Variants in SLAMF1 observed in about 807,000 individuals in gnomAD.
The protein encoded by SLAMF1 is signaling lymphocytic activation molecule family member 1.
SLAMF1 carries 18 observed loss-of-function variants against 35.1 expected under a neutral mutation model. The observed-to-expected ratio is 0.51, with a 90% CI of 0.35 to 0.76. The LOEUF is 0.76. Ranked by LOEUF, SLAMF1 falls within the 30% of genes least tolerant of loss-of-function variation. The pLI is 0.01. For synonymous variants in SLAMF1, 168 were observed against 157.2 expected (o/e 1.07, Z -0.51); for missense variants, 392 against 413.0 (o/e 0.95, Z 0.44).
chr1:160,644,338 T>G (rs1660918634), intron 1 of SLAMF1, among the ~76,000 whole-genome samples: 1 of 152,234 alleles, frequency 6.6e-6, no homozygotes, highest in Admixed American at 6.5e-5. Flanking sequence ...GCAGAGAAAT[T>G]GCTAAACTAC....
chr1:160,623,710 C>A (rs1320951285), intron 4 of SLAMF1: 1 of 401,242 alleles, frequency 2.5e-6, no homozygotes, highest in South Asian at 1.3e-4. Context: ...TTCATTCTAA[C>A]CCTGGTGACT....
chr1:160,633,169 T>G (rs1278394992), intron 3 of SLAMF1, among the ~76,000 whole-genome samples: 1 of 152,196 alleles, frequency 6.6e-6, no homozygotes, highest in Non-Finnish European at 1.5e-5. Context: ...GCTGCACAGC[T>G]TGCTTGTCCT....
intron 3 of SLAMF1, among the ~76,000 whole-genome samples, chr1:160,631,198 A>G (rs1570994052): frequency 6.6e-6 from 1 of 152,244 alleles, no homozygotes; most frequent in Non-Finnish European, 1.5e-5. Context: ...ACACAAATCA[A>G]GGTACTGATA....
rs1479375593 is a variant in SLAMF1, at chr1:160,624,239, A to G, written c.701-54T>C. 3 of 1,229,540 alleles carry G rather than the reference A, an allele frequency of 2.4e-6. No homozygotes were observed. The East Asian group carries it at 7.0e-5, about 29-fold the overall frequency. 76.2% of individuals were successfully genotyped at this position (1,229,540 alleles called of 1,614,324 possible). On this transcript the variant is annotated intron_variant, in intron 3 of 6. Transcript: ENST00000302035. ...TCTCAAAAGTATTCTGAGCTTAAAA[A>G]CATCTTACATGAAAGTGGGATAATG... is the stretch of plus-strand genomic sequence containing the variant.
rs777437556 is a variant in SLAMF1 at position 160,642,557 on chromosome 1, C to G, written c.76+4313G>C. Reference sequence around the variant, plus strand: ...TTCACTACAGTATCCCTAACACCCACCTGGGACATAGTAGGAGCTCAGTAA... The same window carrying G: ...TTCACTACAGTATCCCTAACACCCAGCTGGGACATAGTAGGAGCTCAGTAA... On this transcript the variant is annotated intron_variant, in intron 1 of 6. Transcript: ENST00000302035. The surrounding 1 kb of genome is among the most constrained non-coding windows in gnomAD (Gnocchi z 4.2). 6.6e-6 allele frequency among the ~76,000 whole-genome samples: 1 copy of G among 152,176 alleles called. No homozygotes were observed. Among genetic ancestry groups the G allele is most frequent in the Non-Finnish European group, 1.5e-5 (1 of 68,014 alleles).
At chr1:160,623,428 G>A (rs1659721069) in intron 4 of SLAMF1, 2 of 397,616 alleles carry the variant, frequency 5.0e-6, no homozygotes, top group Admixed American at 4.4e-5. Flanking sequence ...AAGGTTGTGT[G>A]TAGATGACAC....
At chr1:160,629,079 T>G (rs1395733496) in intron 3 of SLAMF1, among the ~76,000 whole-genome samples, 1 of 152,054 alleles carries the variant, frequency 6.6e-6, no homozygotes, top group African/African-American at 2.4e-5. Flanking sequence ...GGTTTGGAAC[T>G]CCCCCTACTC....
rs1052112349 is a variant in SLAMF1, at chr1:160,609,299, C to T, written c.*1449G>A. 6.6e-6 allele frequency: 1 copy of T among 152,154 alleles called. No homozygotes were observed. The highest frequency in any genetic ancestry group is 2.4e-5 in the African/African-American group (1 of 41,430). The allele number at this position is 152,154 out of a possible 1,614,324, so 9.4% of individuals were successfully genotyped here. ...CAGAAACTTCTAGCAGTTATTGGAA[C>T]CAATCAGTATCTTTTCAATAGGTTC... is the stretch of plus-strand genomic sequence containing the variant. On this transcript the variant is annotated 3_prime_UTR_variant, in exon 7 of 7. Transcript: ENST00000302035.
chr1:160,640,359 T>TATATATAC lies in SLAMF1; in HGVS notation c.77-2831_77-2830insGTATATAT, dbSNP rs1361053277. 3.0e-3 allele frequency among the ~76,000 whole-genome samples: 368 copies of TATATATAC among 122,346 alleles called. 2 individuals carry two copies. The highest frequency in any genetic ancestry group is 5.7e-3 in the East Asian group (22 of 3,878). 80.3% of individuals were successfully genotyped at this position (122,346 alleles called of 152,430 possible). On this transcript the variant is annotated intron_variant, in intron 1 of 6. Coordinates refer to ENST00000302035, the MANE Select transcript of SLAMF1 (RefSeq NM_003037.5). ...ATATATATATATATATATATATATA[T>TATATATAC]ACACACACACACACACATATATATA...
In SLAMF1 at chr1:160,634,898, C is replaced by T. The variant is rs1308785735; in HGVS notation, c.416-1G>A. The T allele has an allele frequency of 3.1e-6, 5 of 1,606,496 alleles. No individual in the cohort carries two copies. The highest frequency in any genetic ancestry group is 4.3e-6 in the Non-Finnish European group (5 of 1,174,450). On this transcript the variant is annotated splice_acceptor_variant, in intron 2 of 6. Transcript: ENST00000302035. LOFTEE classifies it high-confidence loss of function. ...TTAATTTCTGGAGTGGAGACCTGCT[C>T]TGTCAGGAGTGGGAGGAAGGGAGCC...
rs568522058 is a variant in SLAMF1, at chr1:160,634,965, T to C, written c.416-68A>G. The C allele has an allele frequency of 1.3e-5, 18 of 1,420,140 alleles. No individual in the cohort carries two copies. In the South Asian group the frequency reaches 1.9e-4, roughly 15 times the overall value. The allele number at this position is 1,420,140 out of a possible 1,614,324, so 88.0% of individuals were successfully genotyped here. On this transcript the variant is annotated intron_variant, in intron 2 of 6. Transcript: ENST00000302035. ...CCTGGGAATTCTCACTTGACCTTTT[T>C]GTTAGAACAAAGTACAGCCTAATGG...
At chr1:160,618,187 A>G (rs1659412175) in intron 5 of SLAMF1, among the ~76,000 whole-genome samples, 1 of 152,126 alleles carries the variant, frequency 6.6e-6, no homozygotes, top group Non-Finnish European at 1.5e-5. Context: ...GTGGTACTTG[A>G]TAAGTTGATT....
At position 160,621,337 on chromosome 1, in the gene SLAMF1, G is replaced by A. The variant is rs139221596; in HGVS notation, c.791-1488C>T. On this transcript the variant is annotated intron_variant, in intron 4 of 6. Transcript: ENST00000302035. ...GCACTATGGGAGGCTGAGGTGGGCA[G>A]ATCACGAGGTCAGGAGTTTGAGACC... is the stretch of plus-strand genomic sequence containing the variant. Among the ~76,000 whole-genome samples the A allele has an allele frequency of 3.1e-3, 473 of 152,226 alleles. 2 individuals carry two copies. Among genetic ancestry groups the A allele is most frequent in the African/African-American group, 0.011 (462 of 41,526 alleles).
At chr1:160,625,364 A>G (rs371846133) in intron 3 of SLAMF1, among the ~76,000 whole-genome samples, 4 of 152,312 alleles carry the variant, frequency 2.6e-5, no homozygotes, top group African/African-American at 9.6e-5. Flanking sequence ...GCAGAAATTG[A>G]AAGAAAAATA....
chr1:160,640,591 C>A (rs540533844), intron 1 of SLAMF1, among the ~76,000 whole-genome samples: 1 of 151,960 alleles, frequency 6.6e-6, no homozygotes, highest in East Asian at 1.9e-4. Context: ...TGACTTGTGG[C>A]TAAGATGAGC....
intron 5 of SLAMF1, among the ~76,000 whole-genome samples, chr1:160,613,086 C>T (rs1239939032): frequency 6.6e-6 from 1 of 152,222 alleles, no homozygotes. Flanking sequence ...GATGAAGCTA[C>T]AGCTCAGAAA....
intron 2 of SLAMF1, among the ~76,000 whole-genome samples, chr1:160,635,155 G>A (rs1361653944): frequency 2.6e-4 from 40 of 152,196 alleles, no homozygotes; most frequent in Admixed American, 2.3e-3. Context: ...GGCTCCACTC[G>A]CCCTTCCTGA....
chr1:160,611,927 G>T (rs1280451165), intron 6 of SLAMF1, among the ~76,000 whole-genome samples: 1 of 152,104 alleles, frequency 6.6e-6, no homozygotes, highest in Non-Finnish European at 1.5e-5. Context: ...GAATTACCTG[G>T]GGTGTGGGTT....
chr1:160,633,011 A>G lies in SLAMF1; in HGVS notation c.700+1602T>C, dbSNP rs183098008. On this transcript the variant is annotated intron_variant, in intron 3 of 6. Coordinates refer to ENST00000302035, the MANE Select transcript of SLAMF1 (RefSeq NM_003037.5). ...AACTGAGATGCCACATAACTGGCAC[A>G]TAGTAAACCATGATGACCCGCCAGT... 2.2e-4 allele frequency among the ~76,000 whole-genome samples: 34 copies of G among 152,312 alleles called. No individual in the cohort carries two copies. The East Asian group carries it at 4.1e-3, about 18-fold the overall frequency.
Sources: gnomAD v4.1 joint callset for allele counts (sites outside exome capture counted in the v4.1 genomes callset) on GRCh38, gnomAD v4.1.1 for gene constraint, Gnocchi (gnomAD v3.1) non-coding constraint, MANE v1.5 for transcripts, NCBI Gene and HGNC (gene_info 2026-07-23, HGNC 2026-07-21) for gene names.